The following GLI2 variants were observed in gnomAD, a reference collection of about 807,000 sequenced individuals.
GLI2 encodes transcription activator GLI2.
Under a neutral mutation model 78.9 loss-of-function variants are expected in GLI2, and 22 were observed. The ratio of observed to expected loss-of-function variants is 0.28; its 90% confidence interval spans 0.20 to 0.40. GLI2 has a LOEUF of 0.40. GLI2 is among the 10% of genes least tolerant of loss of function. GLI2 has a pLI of 1.00. For synonymous variants in GLI2, 974 were observed against 963.7 expected, an observed-to-expected ratio of 1.01 and a Z score of -0.20; for missense variants, 2,097 against 2,213.2, an observed-to-expected ratio of 0.95 and a Z score of 1.05.
chr2:120,811,082 A>T (rs1023910434), intron 2 of GLI2, among the ~76,000 whole-genome samples: 1 of 152,218 alleles, frequency 6.6e-6, no homozygotes, highest in Non-Finnish European at 1.5e-5. Context: ...GGTCCCATGC[A>T]TACCTGTGCA....
At chr2:120,955,881 A>C (rs538787906) in intron 5 of GLI2, among the ~76,000 whole-genome samples, 15 of 152,246 alleles carry the variant, frequency 9.9e-5, no homozygotes, top group Admixed American at 3.9e-4. Context: ...ACTGCAGTGC[A>C]AAGGGCCTGA....
Position 120,826,690 on chromosome 2 carries a change from G to A in GLI2, c.148+29222G>A, listed in dbSNP as rs539303434. ...AGAGCATGTACTCTGCGTCACACAG[G>A]TTGGGGAAGTGGCTTTGAACCCAGG... On this transcript the variant is annotated intron_variant, in intron 2 of 13. Coordinates refer to ENST00000361492, the MANE Select transcript of GLI2 (RefSeq NM_001374353.1). Among the ~76,000 whole-genome samples the A allele has an allele frequency of 6.4e-4, 98 of 152,340 alleles. 1 individual carries two copies. Among genetic ancestry groups the A allele is most frequent in the Middle Eastern group, 3.4e-3 (1 of 294 alleles).
intron 3 of GLI2, among the ~76,000 whole-genome samples, chr2:120,928,684 C>A (rs1679808227): frequency 6.6e-6 from 1 of 152,244 alleles, no homozygotes; most frequent in African/African-American, 2.4e-5. Context: ...TCAGCAGAGT[C>A]CTGTTTCCGG....
intron 2 of GLI2, among the ~76,000 whole-genome samples, chr2:120,808,527 A>G (rs1685069820): frequency 6.6e-6 from 1 of 152,138 alleles, no homozygotes; most frequent in Non-Finnish European, 1.5e-5. Flanking sequence ...AAACTTGCCA[A>G]CGACACACTT....
At chr2:120,951,141 A>C (rs1680963336) in intron 3 of GLI2, 102 bp from the exon 4 acceptor site, 1 of 768,094 alleles carries the variant, frequency 1.3e-6, no homozygotes, top group African/African-American at 1.7e-5. Flanking sequence ...TGTTCTGGAA[A>C]GTCTTTCCAG....
intron 2 of GLI2, among the ~76,000 whole-genome samples, chr2:120,810,831 G>C (rs531627762): frequency 1.5e-4 from 23 of 152,344 alleles, no homozygotes; most frequent in African/African-American, 5.3e-4. Context: ...TGACGTCACT[G>C]GGACATGTCT....
intron 7 of GLI2, 124 bp downstream of exon 7, chr2:120,970,730 G>A: frequency 1.2e-6 from 1 of 813,430 alleles, no homozygotes; most frequent in Non-Finnish European, 2.0e-6. Context: ...CCGCTAGGGT[G>A]CCTTCTGGGC....
intron 5 of GLI2, among the ~76,000 whole-genome samples, chr2:120,966,986 G>T (rs1033242818): frequency 2.0e-5 from 3 of 152,264 alleles, no homozygotes; most frequent in Non-Finnish European, 4.4e-5. Context: ...GCCAGACCCT[G>T]CAGTCAGGGC....
At chr2:120,829,473 A>G (rs1162962520) in intron 2 of GLI2, among the ~76,000 whole-genome samples, 1 of 152,146 alleles carries the variant, frequency 6.6e-6, no homozygotes, top group Non-Finnish European at 1.5e-5. Flanking sequence ...CAGCTGTGTG[A>G]CATTCGTCAA....
intron 2 of GLI2, among the ~76,000 whole-genome samples, chr2:120,883,803 C>G (rs573875967): frequency 3.7e-4 from 57 of 152,258 alleles, no homozygotes; most frequent in Non-Finnish European, 7.2e-4. Flanking sequence ...TAGCCTCTGG[C>G]CCCTGGTGGT....
intron 2 of GLI2, among the ~76,000 whole-genome samples, chr2:120,799,208 G>C (rs1028627245): frequency 6.6e-6 from 1 of 152,176 alleles, no homozygotes; most frequent in Non-Finnish European, 1.5e-5. Context: ...GAGGCCCAAA[G>C]TTTGGAGTAC....
intron 9 of GLI2, 95 bp from the exon 10 acceptor site, chr2:120,978,339 G>C (rs950303788): frequency 1.5e-6 from 2 of 1,353,424 alleles, no homozygotes; most frequent in East Asian, 2.3e-5. Flanking sequence ...GGGGAGGGCT[G>C]GGGGGGTGCC....
intron 2 of GLI2, among the ~76,000 whole-genome samples, chr2:120,817,658 C>A (rs1380362436): frequency 1.3e-5 from 2 of 152,294 alleles, no homozygotes; most frequent in Non-Finnish European, 2.9e-5. Context: ...GGTAGCAAGA[C>A]CCTCTCAGCT....
Position 120,797,378 on chromosome 2 carries a change from C to G in GLI2, c.58C>G (p.Leu20Val), listed in dbSNP as rs754532059. ...SEKQEAKSGI[L>V]EAAGFPDPGK... is the part of the protein sequence containing the mutation. ...GAAGCAAGAAGCCAAAAGTGGGATC[C>G]TGGAGGCCGCTGGCTTCCCCGACCC... Residue 20 changes from leucine (L) to valine (V), a missense_variant, in exon 2 of 14, where the codon CTG becomes GTG. This residue lies in a region of GLI2 where 578 missense variants were observed against 612.0 expected (regional missense o/e 0.94). Transcript: ENST00000361492. The G allele has an allele frequency of 1.2e-5, 19 of 1,613,876 alleles. No individual in the cohort carries two copies. Among genetic ancestry groups the G allele is most frequent in the African/African-American group, 2.7e-5 (2 of 74,932 alleles).
chr2:120,793,166 T>A (rs1439857561), intron 1 of GLI2, among the ~76,000 whole-genome samples: 1 of 152,230 alleles, frequency 6.6e-6, no homozygotes, highest in Non-Finnish European at 1.5e-5. Flanking sequence ...GTGAACCTCC[T>A]AACGGACAGG....
At chr2:120,750,972 G>T (rs1004030699) in intron 1 of GLI2, among the ~76,000 whole-genome samples, 2 of 152,244 alleles carry the variant, frequency 1.3e-5, no homozygotes, top group Non-Finnish European at 2.9e-5. Flanking sequence ...TCTCCAAAGC[G>T]GGCCTTCCAG....
intron 1 of GLI2, among the ~76,000 whole-genome samples, chr2:120,756,957 T>C (rs955922993): frequency 2.6e-5 from 4 of 152,226 alleles, no homozygotes; most frequent in African/African-American, 9.6e-5. Flanking sequence ...ATTCTGTTTA[T>C]AATACCGGAT....
intron 2 of GLI2, among the ~76,000 whole-genome samples, chr2:120,871,087 A>C (rs1390519146): frequency 6.6e-6 from 1 of 152,252 alleles, no homozygotes; most frequent in African/African-American, 2.4e-5. Flanking sequence ...TTATGGTAAA[A>C]GCAGGAGAAT....
chr2:120,861,235 T>A (rs1012304648), intron 2 of GLI2, among the ~76,000 whole-genome samples: 13 of 152,348 alleles, frequency 8.5e-5, no homozygotes, highest in Admixed American at 5.9e-4. Context: ...GTGCTGTCTG[T>A]TCAGTGTGGT....
Sources: allele counts gnomAD v4.1 joint callset (sites outside exome capture counted in the v4.1 genomes callset), GRCh38; gene constraint gnomAD v4.1.1; regional missense constraint gnomAD v4.1.1; transcripts MANE v1.5; gene names NCBI Gene and HGNC (gene_info 2026-07-23, HGNC 2026-07-21).